CRPPA: variants seen among roughly 807,000 people sequenced by gnomAD.
CRPPA encodes CDP-L-ribitol pyrophosphorylase A.
In CRPPA, 43 loss-of-function variants were observed where a neutral mutation model predicts 52.0. The observed-to-expected ratio is 0.83, with a 90% CI of 0.65 to 1.07. CRPPA has a LOEUF of 1.07. Among genes scored for constraint, CRPPA ranks in the 50% least tolerant of loss-of-function variants. CRPPA has a pLI of 0.00. For missense variants in CRPPA, 629 were observed against 551.7 expected, an observed-to-expected ratio of 1.14 and a Z score of -1.40; for synonymous variants, 250 against 203.5, an observed-to-expected ratio of 1.23 and a Z score of -1.94.
At chr7:16,407,739 C>G (rs1172068041) in intron 1 of CRPPA, among the ~76,000 whole-genome samples, 1 of 152,074 alleles carries the variant, frequency 6.6e-6, no homozygotes, top group Non-Finnish European at 1.5e-5. Context: ...TGAACAAAAC[C>G]AAGAGCTACT....
At chr7:16,183,522 C>G (rs1179305849) in intron 9 of CRPPA, among the ~76,000 whole-genome samples, 2 of 152,134 alleles carry the variant, frequency 1.3e-5, no homozygotes, top group African/African-American at 4.8e-5. Flanking sequence ...ACAGATTTCT[C>G]ATAAAAATTC....
intron 3 of CRPPA, among the ~76,000 whole-genome samples, chr7:16,368,036 C>A (rs78464285): frequency 0.02 from 3,018 of 152,204 alleles, 96 homozygotes; most frequent in African/African-American, 0.069. Flanking sequence ...TGTACAAAAA[C>A]CTTGTGTTAG....
intron 2 of CRPPA, among the ~76,000 whole-genome samples, chr7:16,388,601 G>A (rs920300051): frequency 1.2e-4 from 18 of 152,202 alleles, no homozygotes; most frequent in African/African-American, 2.9e-4. Flanking sequence ...GAGGCTGGGC[G>A]TGGTGGCTCA....
intron 3 of CRPPA, among the ~76,000 whole-genome samples, chr7:16,313,535 T>C (rs987757974): frequency 3.9e-5 from 6 of 152,008 alleles, no homozygotes; most frequent in Non-Finnish European, 8.8e-5. Flanking sequence ...ATTATCAATT[T>C]CATCTATTTC....
chr7:16,147,208 C>T (rs1270676951), intron 9 of CRPPA, among the ~76,000 whole-genome samples: 1 of 152,140 alleles, frequency 6.6e-6, no homozygotes, highest in Non-Finnish European at 1.5e-5. Flanking sequence ...AACCTCTTTC[C>T]TTTATAAATT....
chr7:16,374,122 G>A (rs1266863617), intron 3 of CRPPA, among the ~76,000 whole-genome samples: 1 of 152,126 alleles, frequency 6.6e-6, no homozygotes, highest in Non-Finnish European at 1.5e-5. Flanking sequence ...CCAGAGGGGA[G>A]TGACATTTGA....
At chr7:16,351,004 G>A (rs912429221) in intron 3 of CRPPA, among the ~76,000 whole-genome samples, 1 of 151,942 alleles carries the variant, frequency 6.6e-6, no homozygotes, top group Non-Finnish European at 1.5e-5. Context: ...AGACAAAGAC[G>A]ACAATTACAT....
chr7:16,406,303 T>C lies in CRPPA; in HGVS notation c.292A>G (p.Thr98Ala). 6.2e-7 allele frequency: 1 copy of C among 1,613,846 alleles called. No individual in the cohort carries two copies. Among genetic ancestry groups the C allele is most frequent in the African/African-American group, 1.3e-5 (1 of 75,060 alleles). The change falls in exon 2 of 10, where the codon ACT (threonine) becomes GCT (alanine). Residue 98 changes from threonine to alanine, a missense_variant. Physicochemically the swap from Thr to Ala is moderately conservative, Grantham distance 58. Transcript: ENST00000407010. Reference protein sequence around the residue: ...CWIKDIVVAVTGENMEVMKSI... With the variant: ...CWIKDIVVAVAGENMEVMKSI... ...TTCATTACTTCCATGTTCTCTCCAG[T>C]TACTGCCACAACAATGTCCTTTATC...
rs556800855 is a variant in CRPPA at position 16,275,604 on chromosome 7, G to A, written c.933+2525C>T. On this transcript the variant is annotated intron_variant, in intron 6 of 9. Coordinates refer to ENST00000407010, the MANE Select transcript of CRPPA (RefSeq NM_001101426.4). ...GCCCTTTGGGAGGCCAACGTGAGAGGATCACTTGAGGCCAGGAGTTTGAGA... is the reference window on the plus strand; with the variant it reads ...GCCCTTTGGGAGGCCAACGTGAGAGAATCACTTGAGGCCAGGAGTTTGAGA... Among the ~76,000 whole-genome samples, 26 of 152,148 alleles carry A rather than the reference G, an allele frequency of 1.7e-4. No individual in the cohort carries two copies. In the South Asian group the frequency reaches 5.4e-3, roughly 32 times the overall value.
chr7:16,355,777 T>A (rs1004511498), intron 3 of CRPPA, among the ~76,000 whole-genome samples: 1 of 152,082 alleles, frequency 6.6e-6, no homozygotes, highest in Non-Finnish European at 1.5e-5. Flanking sequence ...GGTTTGGGTG[T>A]TGAGATAGCA....
chr7:16,123,148 T>C (rs1208975493), intron 9 of CRPPA, among the ~76,000 whole-genome samples: 1 of 152,104 alleles, frequency 6.6e-6, no homozygotes, highest in East Asian at 1.9e-4. Context: ...AAAAAAGCTA[T>C]GAGAAATTAT....
At chr7:16,327,644 A>G (rs1785447354) in intron 3 of CRPPA, among the ~76,000 whole-genome samples, 1 of 149,814 alleles carries the variant, frequency 6.7e-6, no homozygotes, top group African/African-American at 2.4e-5. Flanking sequence ...ATCCAAGACC[A>G]CAACTGTCAA....
At chr7:16,302,985 G>A (rs543370932) in intron 4 of CRPPA, among the ~76,000 whole-genome samples, 34 of 152,212 alleles carry the variant, frequency 2.2e-4, no homozygotes, top group African/African-American at 7.9e-4. Flanking sequence ...TGCTGTAAAA[G>A]TTAGATGGAA....
intron 9 of CRPPA, among the ~76,000 whole-genome samples, chr7:16,113,707 G>A (rs1470299828): frequency 6.6e-6 from 1 of 150,726 alleles, no homozygotes; most frequent in Non-Finnish European, 1.5e-5. Flanking sequence ...AAACTAGAAT[G>A]TTTACAACAC....
intron 3 of CRPPA, among the ~76,000 whole-genome samples, chr7:16,342,204 G>C (rs1367156442): frequency 6.6e-6 from 1 of 152,144 alleles, no homozygotes; most frequent in East Asian, 1.9e-4. Context: ...TTCCATAAAT[G>C]AAGGTGTATG....
chr7:16,195,405 C>T (rs745508179), intron 9 of CRPPA, among the ~76,000 whole-genome samples: 1 of 152,102 alleles, frequency 6.6e-6, no homozygotes, highest in South Asian at 2.1e-4. Flanking sequence ...ACCACTGTAG[C>T]TGATTGAGGT....
chr7:16,415,091 G>T (rs1562693176), intron 1 of CRPPA, among the ~76,000 whole-genome samples: 1 of 152,186 alleles, frequency 6.6e-6, no homozygotes, highest in Admixed American at 6.5e-5. Context: ...ATACTGGTGG[G>T]TTCAGAGGTA....
At chr7:16,257,144 C>T (rs1382138523) in intron 8 of CRPPA, among the ~76,000 whole-genome samples, 3 of 152,034 alleles carry the variant, frequency 2.0e-5, no homozygotes, top group Non-Finnish European at 2.9e-5. Context: ...CTTGTTTCTA[C>T]GTCGAGGAAA....
At chr7:16,210,355 C>A (rs1322928292) in intron 9 of CRPPA, 1 of 152,146 alleles carries the variant, frequency 6.6e-6, no homozygotes, top group African/African-American at 2.4e-5. Context: ...GTAGTCACCT[C>A]CCCTGAGTGT....
Sources: gnomAD v4.1 joint callset for allele counts (sites outside exome capture counted in the v4.1 genomes callset) on GRCh38, gnomAD v4.1.1 for gene constraint, MANE v1.5 for transcripts, NCBI Gene and HGNC (gene_info 2026-07-23, HGNC 2026-07-21) for gene names.